RASA3: variants seen among roughly 807,000 people sequenced by gnomAD.
The protein encoded by RASA3 is ras GTPase-activating protein 3.
In RASA3, 73 loss-of-function variants were observed where a neutral mutation model predicts 110.0. That is an observed-to-expected ratio of 0.66 (90% CI 0.55 to 0.81). The LOEUF is 0.81. Ranked by LOEUF, RASA3 falls within the 30% of genes least tolerant of loss-of-function variation. The probability of loss-of-function intolerance (pLI) is 0.00; values close to 1 mark genes in which losing one functional copy is unlikely to be tolerated. For missense variants in RASA3, 976 were observed against 1,113.2 expected, an observed-to-expected ratio of 0.88 and a Z score of 1.75; for synonymous variants, 500 against 451.4, an observed-to-expected ratio of 1.11 and a Z score of -1.37.
intron 1 of RASA3, among the ~76,000 whole-genome samples, chr13:114,083,174 G>C (rs1423607310): frequency 6.6e-6 from 1 of 152,230 alleles, no homozygotes; most frequent in Non-Finnish European, 1.5e-5. Flanking sequence ...CAACTTTGTT[G>C]AATCAGGTGA....
intron 1 of RASA3, among the ~76,000 whole-genome samples, chr13:114,083,521 AGT>A (rs1566562476): frequency 7.1e-6 from 1 of 141,370 alleles, no homozygotes; most frequent in Non-Finnish European, 1.6e-5. Flanking sequence ...CTGAGTCTGG[AGT>A]ATCGACTCCC....
chr13:114,020,419 T>C (rs1240149463), intron 9 of RASA3, among the ~76,000 whole-genome samples: 2 of 152,188 alleles, frequency 1.3e-5, no homozygotes, highest in Middle Eastern at 3.2e-3. Flanking sequence ...TCATTCAGCA[T>C]AGGAGGAAGC....
At chr13:114,116,218 AC>A (rs2080273272) in intron 1 of RASA3, among the ~76,000 whole-genome samples, 1 of 151,784 alleles carries the variant, frequency 6.6e-6, no homozygotes, top group Non-Finnish European at 1.5e-5. Flanking sequence ...CATCACAGAC[AC>A]CCCTCCCCTC....
rs889457941 is a variant in RASA3 at position 114,112,399 on chromosome 13, CTGTT to C, written c.55+20032_55+20035del. Among the ~76,000 whole-genome samples the C allele has an allele frequency of 1.6e-4, 24 of 152,270 alleles. No individual in the cohort carries two copies. The highest frequency in any genetic ancestry group is 3.9e-4 in the East Asian group (2 of 5,170). On this transcript the variant is annotated intron_variant, in intron 1 of 23. Coordinates refer to ENST00000334062, the MANE Select transcript of RASA3 (RefSeq NM_007368.4). This position sits in a 1 kb window ranked among gnomAD's most constrained non-coding sequence, Gnocchi z 4.8. ...GAAGGAGCAGAAGCTCTGCGGGTGACTGTTTGGGAAGCTGGTCTGCTCCTGATAC... is the reference window on the plus strand; with the variant it reads ...GAAGGAGCAGAAGCTCTGCGGGTGACTGGGAAGCTGGTCTGCTCCTGATAC...
intron 1 of RASA3, among the ~76,000 whole-genome samples, chr13:114,087,983 T>TAA (rs773589406): frequency 6.6e-6 from 1 of 152,098 alleles, no homozygotes; most frequent in Non-Finnish European, 1.5e-5. Context: ...TACAAAAAAT[T>TAA]AGCTGGGCGT....
Position 113,999,485 on chromosome 13 carries a change from G to C in RASA3, c.1932+100C>G, listed in dbSNP as rs994547371. On this transcript the variant is annotated intron_variant, in intron 20 of 23. Coordinates refer to ENST00000334062, the MANE Select transcript of RASA3 (RefSeq NM_007368.4). ...GACTCTGAGAAGCCTGGAGTGCAGT[G>C]GGTGGGGAAGGGTGAGCCCAGGGCC... 4 of 893,050 alleles carry C rather than the reference G, an allele frequency of 4.5e-6. No individual in the cohort carries two copies. The Admixed American group carries it at 7.5e-5, about 17-fold the overall frequency. 55.3% of individuals were successfully genotyped at this position (893,050 alleles called of 1,614,324 possible).
Position 114,056,763 on chromosome 13 carries a change from G to A in RASA3, c.174-4608C>T, listed in dbSNP as rs565478696. On this transcript the variant is annotated intron_variant, in intron 2 of 23. Transcript: ENST00000334062. The surrounding 1 kb of genome is among the most constrained non-coding windows in gnomAD (Gnocchi z 5.7). ...AAGAGGAAGCTACAAGAAAACATAC[G>A]AACTCCATAAAATTATCACCACAGA... The A allele has an allele frequency of 1.5e-5, 12 of 787,722 alleles. No homozygotes were observed. The South Asian group carries it at 4.6e-4, about 30-fold the overall frequency. 48.8% of individuals were successfully genotyped at this position (787,722 alleles called of 1,614,324 possible).
intron 7 of RASA3, among the ~76,000 whole-genome samples, chr13:114,027,038 G>A (rs2054037843): frequency 3.9e-5 from 6 of 152,226 alleles, no homozygotes; most frequent in Admixed American, 3.9e-4. Flanking sequence ...AAACCCCCAA[G>A]GTCCTGGTAA....
At chr13:114,100,886 A>G (rs931467788) in intron 1 of RASA3, among the ~76,000 whole-genome samples, 3 of 152,214 alleles carry the variant, frequency 2.0e-5, no homozygotes, top group Admixed American at 6.5e-5. Context: ...CGGGGCCTCA[A>G]CTGCTACTGA....
At chr13:114,117,667 G>GA (rs1277191259) in intron 1 of RASA3, among the ~76,000 whole-genome samples, 3 of 140,538 alleles carry the variant, frequency 2.1e-5, no homozygotes, top group East Asian at 2.3e-4. Context: ...CGTGTGTGAG[G>GA]GATGCACGTG....
chr13:113,982,588 C>T (rs1224668474), intron 22 of RASA3, among the ~76,000 whole-genome samples: 1 of 152,262 alleles, frequency 6.6e-6, no homozygotes, highest in Non-Finnish European at 1.5e-5. Context: ...GTACACGTCT[C>T]TGCCTCACTG....
intron 21 of RASA3, among the ~76,000 whole-genome samples, chr13:113,996,210 C>G (rs576046284): frequency 6.6e-6 from 1 of 152,152 alleles, no homozygotes; most frequent in African/African-American, 2.4e-5. Flanking sequence ...CTCCCAGCCT[C>G]CTCCTAGAGA....
chr13:114,057,719 G>A lies in RASA3; in HGVS notation c.174-5564C>T, dbSNP rs560084255. On this transcript the variant is annotated intron_variant, in intron 2 of 23. Transcript: ENST00000334062. The surrounding 1 kb of genome is among the most constrained non-coding windows in gnomAD (Gnocchi z 5.0). ...GAGTGGAGGCGGTTCCCCACCTTCTGGGGGCAGTTAACCTCTGAGAATGAA... is the reference window on the plus strand; with the variant it reads ...GAGTGGAGGCGGTTCCCCACCTTCTAGGGGCAGTTAACCTCTGAGAATGAA... Among the ~76,000 whole-genome samples the A allele has an allele frequency of 6.6e-6, 1 of 152,248 alleles. No individual in the cohort carries two copies. The highest frequency in any genetic ancestry group is 2.1e-4 in the South Asian group (1 of 4,826).
intron 3 of RASA3, among the ~76,000 whole-genome samples, chr13:114,042,522 G>A (rs1329948162): frequency 6.6e-6 from 1 of 152,222 alleles, no homozygotes; most frequent in South Asian, 2.1e-4. Context: ...TCACTGAAGT[G>A]AGAAACTCTG....
intron 12 of RASA3, among the ~76,000 whole-genome samples, chr13:114,016,579 C>T (rs1051047464): frequency 3.2e-4 from 48 of 152,124 alleles, no homozygotes; most frequent in African/African-American, 9.9e-4. Context: ...TCCATGGCCG[C>T]GATCAGACGA....
chr13:114,080,682 C>CCCCCAGGGGCCACTGAAACAGGGGTCT (rs2079770358), intron 1 of RASA3, among the ~76,000 whole-genome samples: 2 of 151,986 alleles, frequency 1.3e-5, no homozygotes, highest in Middle Eastern at 3.4e-3. Flanking sequence ...ACAGGGGTCT[C>CCCCCAGGGGCCACTGAAACAGGGGTCT]CCCCAGGGGC....
At chr13:114,016,133 C>T (rs945512710) in intron 13 of RASA3, 64 bp downstream of exon 13, 33 of 1,423,638 alleles carry the variant, frequency 2.3e-5, no homozygotes, top group Non-Finnish European at 2.8e-5. Context: ...AGCTTCCAGG[C>T]AGCCATCGGC....
intron 7 of RASA3, 139 bp from the exon 8 acceptor site, chr13:114,024,494 C>G: frequency 1.3e-6 from 1 of 748,092 alleles, no homozygotes; most frequent in South Asian, 1.6e-5. Context: ...AGGCGCCAGG[C>G]GGGATTCGGG....
chr13:114,077,188 G>A (rs562789711), intron 1 of RASA3, among the ~76,000 whole-genome samples: 3 of 152,284 alleles, frequency 2.0e-5, no homozygotes, highest in East Asian at 3.9e-4. Flanking sequence ...ACTGCAGGAC[G>A]GAAACACACA....
Sources: gnomAD v4.1 joint callset for allele counts (sites outside exome capture counted in the v4.1 genomes callset) on GRCh38, gnomAD v4.1.1 for gene constraint, Gnocchi (gnomAD v3.1) non-coding constraint, MANE v1.5 for transcripts, NCBI Gene and HGNC (gene_info 2026-07-23, HGNC 2026-07-21) for gene names.